Variants in MAP3K13 observed in about 807,000 individuals in gnomAD.
MAP3K13 encodes the protein mitogen-activated protein kinase kinase kinase 13, also known as leucine zipper-bearing kinase.
In MAP3K13, 52 loss-of-function variants were observed where a neutral mutation model predicts 104.0. The ratio of observed to expected loss-of-function variants is 0.50; its 90% confidence interval spans 0.40 to 0.63. MAP3K13 has a LOEUF of 0.63. Ranked by LOEUF, MAP3K13 falls within the 20% of genes least tolerant of loss-of-function variation. MAP3K13 has a pLI of 0.00. For missense variants in MAP3K13, 914 were observed against 1,218.5 expected, an observed-to-expected ratio of 0.75 and a Z score of 3.72; for synonymous variants, 394 against 442.2, an observed-to-expected ratio of 0.89 and a Z score of 1.37.
At chr3:185,414,002 T>C (rs1267672667) in intron 1 of MAP3K13, among the ~76,000 whole-genome samples, 2 of 152,178 alleles carry the variant, frequency 1.3e-5, no homozygotes, top group Non-Finnish European at 2.9e-5. Context: ...GACCTAGACC[T>C]TTTTTAGTTA....
intron 2 of MAP3K13, among the ~76,000 whole-genome samples, chr3:185,298,672 G>C (rs113433709): frequency 6.6e-6 from 1 of 152,174 alleles, no homozygotes; most frequent in East Asian, 1.9e-4. Flanking sequence ...GTAATGCAAA[G>C]GTCACCGTAT....
chr3:185,307,444 T>C (rs1177509696), intron 2 of MAP3K13, among the ~76,000 whole-genome samples: 1 of 152,106 alleles, frequency 6.6e-6, no homozygotes, highest in Non-Finnish European at 1.5e-5. Flanking sequence ...TTGCTGATTT[T>C]GTCTTCTGTT....
rs1049252376 is a variant in MAP3K13 at position 185,451,392 on chromosome 3, T to C, written c.1275T>C (p.Ser425=). The C allele has an allele frequency of 2.5e-6, 4 of 1,610,610 alleles. No homozygotes were observed. The highest frequency in any genetic ancestry group is 3.3e-5 in the Admixed American group (2 of 59,986). ...LATPQETYFK[S]QAEWREEVKK... ...CCCCACAAGAAACTTACTTCAAGTC[T>C]CAGGTAAGTTGGGAAACTTCCTACC... The change falls in exon 7 of 14, where the codon TCT becomes TCC. Residue 425 remains serine, a synonymous_variant. Coordinates refer to ENST00000265026, the MANE Select transcript of MAP3K13 (RefSeq NM_004721.5).
At chr3:185,328,254 C>T (rs1016256976) in intron 2 of MAP3K13, among the ~76,000 whole-genome samples, 9 of 152,124 alleles carry the variant, frequency 5.9e-5, no homozygotes, top group African/African-American at 2.2e-4. Context: ...AGTGGAGAAA[C>T]AACTTTCTGG....
intron 10 of MAP3K13, among the ~76,000 whole-genome samples, chr3:185,470,357 T>A (rs965338556): frequency 2.0e-5 from 3 of 152,130 alleles, no homozygotes; most frequent in African/African-American, 7.2e-5. Flanking sequence ...GGCCTTGGAG[T>A]CAGTGTGGGC....
intron 2 of MAP3K13, among the ~76,000 whole-genome samples, chr3:185,331,044 C>G (rs925258537): frequency 1.3e-5 from 2 of 151,782 alleles, no homozygotes; most frequent in Admixed American, 6.6e-5. Context: ...AAAATGGCAC[C>G]CTACTCCACT....
At chr3:185,472,456 C>A (rs994750204) in intron 10 of MAP3K13, among the ~76,000 whole-genome samples, 29 of 152,056 alleles carry the variant, frequency 1.9e-4, no homozygotes, top group Admixed American at 1.6e-3. Context: ...CGTGATCCAC[C>A]CTCCTTGGCC....
chr3:185,334,051 C>T (rs943664834), intron 2 of MAP3K13, among the ~76,000 whole-genome samples: 1 of 151,928 alleles, frequency 6.6e-6, no homozygotes, highest in Non-Finnish European at 1.5e-5. Context: ...GAGACCCTGT[C>T]TCAAAAAGAA....
At chr3:185,437,205 G>A (rs1715089613) in intron 2 of MAP3K13, among the ~76,000 whole-genome samples, 1 of 151,914 alleles carries the variant, frequency 6.6e-6, no homozygotes, top group South Asian at 2.1e-4. Context: ...TGTTTTATTT[G>A]GAGGAAGGTA....
chr3:185,381,116 C>T (rs1724698989), intron 1 of MAP3K13, among the ~76,000 whole-genome samples: 1 of 152,028 alleles, frequency 6.6e-6, no homozygotes, highest in Non-Finnish European at 1.5e-5. Context: ...GCGTGTGCTA[C>T]CACGCCCGGC....
Position 185,428,530 on chromosome 3 carries a change from C to T in MAP3K13, c.-52C>T. ...GCCCTCTCTTAAGTCAGAACTCTGT[C>T]CCAAAAATCTTCTGAGTGTCATCTC... On this transcript the variant is annotated 5_prime_UTR_variant, in exon 2 of 14. Coordinates refer to ENST00000265026, the MANE Select transcript of MAP3K13 (RefSeq NM_004721.5). The T allele has an allele frequency of 2.0e-6, 3 of 1,518,350 alleles. No homozygotes were observed. The highest frequency in any genetic ancestry group is 2.6e-6 in the Non-Finnish European group (3 of 1,135,520). The allele number at this position is 1,518,350 out of a possible 1,614,324, so 94.1% of individuals were successfully genotyped here.
At chr3:185,412,632 T>C (rs1167339854) in intron 1 of MAP3K13, among the ~76,000 whole-genome samples, 2 of 152,240 alleles carry the variant, frequency 1.3e-5, no homozygotes, top group Non-Finnish European at 2.9e-5. Flanking sequence ...ATTGAATCAT[T>C]ACTTTAAAAA....
chr3:185,371,146 G>T (rs1724139430), intron 1 of MAP3K13, among the ~76,000 whole-genome samples: 1 of 151,354 alleles, frequency 6.6e-6, no homozygotes, highest in African/African-American at 2.4e-5. Context: ...TAAATTTGTA[G>T]ATTTTGTCAA....
intron 5 of MAP3K13, among the ~76,000 whole-genome samples, chr3:185,449,209 T>C (rs1261081139): frequency 1.3e-5 from 2 of 151,912 alleles, no homozygotes; most frequent in African/African-American, 4.8e-5. Flanking sequence ...CCATCTCCAC[T>C]AAAAATACAA....
intron 7 of MAP3K13, among the ~76,000 whole-genome samples, chr3:185,451,893 A>C (rs1344732456): frequency 6.6e-6 from 1 of 151,876 alleles, no homozygotes. Context: ...GAAAAAAGAA[A>C]GAAAGAAAAG....
chr3:185,286,662 TAA>T, intron 2 of MAP3K13, among the ~76,000 whole-genome samples: 1 of 152,150 alleles, frequency 6.6e-6, no homozygotes, highest in Admixed American at 6.5e-5. Context: ...GGGAAAACAA[TAA>T]AAAGAACTTT....
chr3:185,455,277 GATATATGAGAT>G lies in MAP3K13; in HGVS notation c.1278+3889_1278+3899del, dbSNP rs1426570495. 9.8e-3 allele frequency among the ~76,000 whole-genome samples: 336 copies of G among 34,212 alleles called. 33 individuals carry two copies. The highest frequency in any genetic ancestry group is 0.033 in the Middle Eastern group (1 of 30). The allele number at this position is 34,212 out of a possible 152,430, so 22.4% of individuals were successfully genotyped here. On this transcript the variant is annotated intron_variant, in intron 7 of 13. Coordinates refer to ENST00000265026, the MANE Select transcript of MAP3K13 (RefSeq NM_004721.5). Reference sequence around the variant, plus strand: ...TATGAGATATATGAGATATATATGAGATATATGAGATATATATATGAGATATATATGAGATA... The same window carrying G: ...TATGAGATATATGAGATATATATGAGATATATATGAGATATATATGAGATA...
At chr3:185,340,718 C>T (rs907854134) in intron 2 of MAP3K13, among the ~76,000 whole-genome samples, 141 of 152,142 alleles carry the variant, frequency 9.3e-4, no homozygotes, top group African/African-American at 3.4e-3. Context: ...TTGCTCTATG[C>T]CGTTCTTGTG....
chr3:185,337,791 T>C (rs1324399564), intron 2 of MAP3K13, among the ~76,000 whole-genome samples: 1 of 151,508 alleles, frequency 6.6e-6, no homozygotes, highest in Non-Finnish European at 1.5e-5. Flanking sequence ...TTCCATTGTC[T>C]GTCCAGTTTT....
Sources: allele counts gnomAD v4.1 joint callset (sites outside exome capture counted in the v4.1 genomes callset), GRCh38; gene constraint gnomAD v4.1.1; transcripts MANE v1.5; gene names NCBI Gene and HGNC (gene_info 2026-07-23, HGNC 2026-07-21).